Variants in SREBF2 observed in about 807,000 individuals in gnomAD.
SREBF2 encodes sterol regulatory element binding transcription factor 2, also known as sterol regulatory element-binding protein 2.
In SREBF2, 55 loss-of-function variants were observed where a neutral mutation model predicts 113.1. The observed-to-expected ratio is 0.49, with a 90% CI of 0.39 to 0.61. The LOEUF is 0.61. SREBF2 is among the 20% of genes least tolerant of loss of function. SREBF2 has a pLI of 0.00. For synonymous variants in SREBF2, 593 were observed against 605.7 expected, an observed-to-expected ratio of 0.98 and a Z score of 0.31; for missense variants, 1,349 against 1,487.4, an observed-to-expected ratio of 0.91 and a Z score of 1.53.
Position 41,833,260 on chromosome 22 carries a change from T to C in SREBF2, c.-11T>C. The C allele has an allele frequency of 6.6e-7, 1 of 1,520,586 alleles. No individual in the cohort carries two copies. The highest frequency in any genetic ancestry group is 8.8e-7 in the Non-Finnish European group (1 of 1,134,604). The allele number at this position is 1,520,586 out of a possible 1,614,324, so 94.2% of individuals were successfully genotyped here. A position where few individuals can be genotyped will look rare whatever the true frequency, so the allele number is the denominator to read the frequency against. ...GGGACGGCAGGGGGGGCTTCTGCGCTGAGCCGGGCGATGGACGACAGCGGC... is the reference window on the plus strand; with the variant it reads ...GGGACGGCAGGGGGGGCTTCTGCGCCGAGCCGGGCGATGGACGACAGCGGC... On this transcript the variant is annotated 5_prime_UTR_variant, in exon 1 of 19. Transcript: ENST00000361204. The surrounding 1 kb of genome is among the most constrained non-coding windows in gnomAD (Gnocchi z 4.1).
At chr22:41,874,188 A>G (rs2077171892) in intron 5 of SREBF2, among the ~76,000 whole-genome samples, 169 bp downstream of exon 5, 1 of 152,144 alleles carries the variant, frequency 6.6e-6, no homozygotes, top group Non-Finnish European at 1.5e-5. Context: ...TAAAATATTA[A>G]AAAACATAAG....
In SREBF2 at chr22:41,835,547, T is replaced by G. The variant is rs12170354; in HGVS notation, c.88+2189T>G. On this transcript the variant is annotated intron_variant, in intron 1 of 18. Coordinates refer to ENST00000361204, the MANE Select transcript of SREBF2 (RefSeq NM_004599.4). The stretch of plus-strand genomic sequence containing the variant: ...CTGGTCTCCAACTCCCAACCTCAGG[T>G]GATCCGCCCACCTTGGCCTCCTAAA... Among the ~76,000 whole-genome samples, 15 of 152,234 alleles carry G rather than the reference T, an allele frequency of 9.9e-5. No homozygotes were observed. The East Asian group carries it at 2.9e-3, about 29-fold the overall frequency.
At chr22:41,898,977 C>G (rs751338935) in intron 15 of SREBF2, 196 bp downstream of exon 15, 1 of 791,862 alleles carries the variant, frequency 1.3e-6, no homozygotes, top group African/African-American at 1.7e-5. Flanking sequence ...GTGCAAGTGT[C>G]CTGCTCTGCA....
intron 2 of SREBF2, among the ~76,000 whole-genome samples, chr22:41,868,130 G>A (rs1411866788): frequency 6.6e-6 from 1 of 151,854 alleles, no homozygotes; most frequent in Non-Finnish European, 1.5e-5. Flanking sequence ...CTCTGACTCT[G>A]TGGGGAGCCC....
intron 11 of SREBF2, among the ~76,000 whole-genome samples, chr22:41,892,778 C>T (rs934026551): frequency 5.9e-5 from 9 of 152,134 alleles, no homozygotes; most frequent in African/African-American, 1.9e-4. Context: ...CTTGGGAAAC[C>T]GCCTTCCTAG....
rs62636525 is a variant in SREBF2 at position 41,866,977 on chromosome 22, A to C, written c.235A>C (p.Ser79Arg). 3.7e-6 allele frequency: 6 copies of C among 1,614,200 alleles called. No individual in the cohort carries two copies. Among genetic ancestry groups the C allele is most frequent in the Non-Finnish European group, 5.1e-6 (6 of 1,180,038 alleles). Reference sequence around the variant, plus strand: ...CAGCAGCAGCAGCAATGGCAGGGGCAGCAGCAGCGGAGCTGTGGACCCTTC... The same window carrying C: ...CAGCAGCAGCAGCAATGGCAGGGGCCGCAGCAGCGGAGCTGTGGACCCTTC... ...SSSSSSNGRG[S>R]SSGAVDPSVQ... Residue 79 changes from serine (S) to arginine (R), a missense_variant, in exon 2 of 19, where the codon AGC becomes CGC. Ser to Arg is a moderately radical substitution (Grantham distance 110). Coordinates refer to ENST00000361204, the MANE Select transcript of SREBF2 (RefSeq NM_004599.4).
intron 1 of SREBF2, among the ~76,000 whole-genome samples, chr22:41,837,181 G>A (rs2076783960): frequency 6.6e-6 from 1 of 151,986 alleles, no homozygotes; most frequent in South Asian, 2.1e-4. Context: ...ACTTAGATTC[G>A]GAAGTCCAGG....
chr22:41,846,837 C>A (rs1300880121), intron 1 of SREBF2, among the ~76,000 whole-genome samples: 1 of 152,176 alleles, frequency 6.6e-6, no homozygotes, highest in East Asian at 1.9e-4. Context: ...ACAGCCCTTT[C>A]TTTGTGAGGC....
rs200228342 is a variant in SREBF2 at position 41,877,260 on chromosome 22, C to T, written c.1418C>T (p.Ala473Val). Residue 473 changes from alanine (A) to valine (V), a missense_variant, in exon 8 of 19, where the codon GCG becomes GTG. By Grantham distance (64) the Ala-to-Val change is moderately conservative. Around this residue, in one of 2 missense-constraint regions of SREBF2, gnomAD observed 699 missense variants for 843.3 expected, o/e 0.83. Transcript: ENST00000361204. ...VKDEPDSPPV[A>V]LGMVDRSRIL... ...GATGAGCCAGACTCTCCTCCTGTGG[C>T]GCTGGGCATGGTAGACCGCTCACGG... The T allele has an allele frequency of 7.4e-6, 12 of 1,614,220 alleles. No homozygotes were observed. Among genetic ancestry groups the T allele is most frequent in the African/African-American group, 1.3e-5 (1 of 75,050 alleles).
chr22:41,850,359 GA>G, intron 1 of SREBF2, among the ~76,000 whole-genome samples: 1 of 151,422 alleles, frequency 6.6e-6, no homozygotes. Context: ...TGAGGCAGGA[GA>G]ATCACTTCAG....
At chr22:41,878,883 G>A in intron 9 of SREBF2, 1 of 508,674 alleles carries the variant, frequency 2.0e-6, no homozygotes. Flanking sequence ...ATGTGATTTT[G>A]AGAGGCCTGT....
In SREBF2 at chr22:41,888,061, T is replaced by C. The variant is rs952205859; in HGVS notation, c.2208+3050T>C. 5.3e-5 allele frequency among the ~76,000 whole-genome samples: 8 copies of C among 152,358 alleles called. No homozygotes were observed. In the East Asian group the frequency reaches 1.5e-3, roughly 29 times the overall value. ...TTACCCCTTTATTGGATATATGCTT[T>C]TCAGATACCTTCTCCCACTCTGGGG... On this transcript the variant is annotated intron_variant, in intron 11 of 18. Transcript: ENST00000361204.
At chr22:41,891,325 A>C (rs898393585) in intron 11 of SREBF2, 1 of 152,210 alleles carries the variant, frequency 6.6e-6, no homozygotes, top group Non-Finnish European at 1.5e-5. Flanking sequence ...TTTGTTCTCC[A>C]GTATCCAGTA....
At chr22:41,901,164 C>T (rs2077462851) in intron 16 of SREBF2, among the ~76,000 whole-genome samples, 2 of 152,212 alleles carry the variant, frequency 1.3e-5, no homozygotes, top group African/African-American at 4.8e-5. Flanking sequence ...TGGAGCATCA[C>T]CTGGTCTACG....
At chr22:41,858,870 A>T (rs1423824807) in intron 1 of SREBF2, among the ~76,000 whole-genome samples, 1 of 152,184 alleles carries the variant, frequency 6.6e-6, no homozygotes, top group Non-Finnish European at 1.5e-5. Flanking sequence ...CCTGCCGGGC[A>T]CAGTGGCTCA....
At chr22:41,854,727 G>T (rs1380416745) in intron 1 of SREBF2, among the ~76,000 whole-genome samples, 1 of 151,486 alleles carries the variant, frequency 6.6e-6, no homozygotes, top group Non-Finnish European at 1.5e-5. Flanking sequence ...AAATTAGCCG[G>T]GTTTGGTGGT....
chr22:41,845,478 C>A (rs548269070), intron 1 of SREBF2, among the ~76,000 whole-genome samples: 52 of 152,208 alleles, frequency 3.4e-4, no homozygotes, highest in Non-Finnish European at 6.0e-4. Context: ...TGCATTTCAA[C>A]GTGAATGAGT....
At chr22:41,867,786 A>G (rs535088177) in intron 2 of SREBF2, among the ~76,000 whole-genome samples, 1 of 151,910 alleles carries the variant, frequency 6.6e-6, no homozygotes, top group Non-Finnish European at 1.5e-5. Flanking sequence ...CAGCCTAGGC[A>G]ACAGAGCGAG....
intron 1 of SREBF2, among the ~76,000 whole-genome samples, chr22:41,838,414 C>CAT (rs980999820): frequency 6.6e-6 from 1 of 152,062 alleles, no homozygotes; most frequent in African/African-American, 2.4e-5. Flanking sequence ...TAGGGGGTGA[C>CAT]ATATTAATCA....
Sources: allele counts gnomAD v4.1 joint callset (sites outside exome capture counted in the v4.1 genomes callset), GRCh38; gene constraint gnomAD v4.1.1; regional missense constraint gnomAD v4.1.1; non-coding constraint Gnocchi (gnomAD v3.1); transcripts MANE v1.5; gene names NCBI Gene and HGNC (gene_info 2026-07-23, HGNC 2026-07-21).